The following RASGEF1A variants were observed in gnomAD, a reference collection of about 807,000 sequenced individuals.
RASGEF1A encodes the protein ras-GEF domain-containing family member 1A.
Under a neutral mutation model 56.4 loss-of-function variants are expected in RASGEF1A, and 18 were observed. The ratio of observed to expected loss-of-function variants is 0.32; its 90% CI spans 0.22 to 0.47. The LOEUF (loss-of-function observed/expected upper bound fraction) is 0.47, where lower values mean the gene tolerates loss of function less well. RASGEF1A is among the 20% of genes least tolerant of loss of function. The pLI is 1.00. For missense variants in RASGEF1A, 422 were observed against 627.1 expected (o/e 0.67, Z 3.49); for synonymous variants, 245 against 242.6 (o/e 1.01, Z -0.09).
chr10:43,238,527 GC>G (rs1223695102), intron 1 of RASGEF1A, among the ~76,000 whole-genome samples: 1 of 152,210 alleles, frequency 6.6e-6, no homozygotes, highest in Non-Finnish European at 1.5e-5. Flanking sequence ...CACTGCCCCA[GC>G]CCCATGTCCA....
Position 43,218,584 on chromosome 10 carries a change from C to A in RASGEF1A, c.-6-12462G>T, listed in dbSNP as rs578146065. Among the ~76,000 whole-genome samples, 8 of 152,350 alleles carry A rather than the reference C, an allele frequency of 5.3e-5. No individual in the cohort carries two copies. The South Asian group carries it at 1.7e-3, about 32-fold the overall frequency. On this transcript the variant is annotated intron_variant, in intron 1 of 12. Coordinates refer to ENST00000395810, the MANE Select transcript of RASGEF1A (RefSeq NM_145313.4). Reference sequence around the variant, plus strand: ...GAACTCCCTGCAGCCCCTGCCTCTCCATCCTCCAGGCCAGGCAGGCATCAG... The same window carrying A: ...GAACTCCCTGCAGCCCCTGCCTCTCAATCCTCCAGGCCAGGCAGGCATCAG...
At chr10:43,229,349 G>A (rs376147279) in intron 1 of RASGEF1A, among the ~76,000 whole-genome samples, 4 of 152,186 alleles carry the variant, frequency 2.6e-5, no homozygotes, top group South Asian at 2.1e-4. Flanking sequence ...CAAGTCGTCC[G>A]GGCTCCTACA....
intron 1 of RASGEF1A, among the ~76,000 whole-genome samples, chr10:43,249,394 C>G (rs146754633): frequency 6.6e-6 from 1 of 152,250 alleles, no homozygotes; most frequent in Non-Finnish European, 1.5e-5. Context: ...CCCCAGCTAA[C>G]CATGCTCTTC....
Position 43,196,285 on chromosome 10 carries a change from C to A in RASGEF1A, c.1422-17G>T, listed in dbSNP as rs753595689. ...AGGGTGGTCCTAGAGGGGGACAGGACAAGCAGTGCTCAGGCCCGAGCAGGG... is the reference window on the plus strand; with the variant it reads ...AGGGTGGTCCTAGAGGGGGACAGGAAAAGCAGTGCTCAGGCCCGAGCAGGG... On this transcript the variant is annotated splice_polypyrimidine_tract_variant and intron_variant, in intron 12 of 12. Transcript: ENST00000395810. This position sits in a 1 kb window ranked among gnomAD's most constrained non-coding sequence, Gnocchi z 4.6. 6.2e-7 allele frequency: 1 copy of A among 1,613,420 alleles called. No individual in the cohort carries two copies. The highest frequency in any genetic ancestry group is 1.1e-5 in the South Asian group (1 of 91,050).
intron 1 of RASGEF1A, among the ~76,000 whole-genome samples, chr10:43,240,716 C>A (rs1227915630): frequency 6.6e-6 from 1 of 152,056 alleles, no homozygotes. Context: ...AATAGAGCCA[C>A]AGACACCATA....
intron 1 of RASGEF1A, among the ~76,000 whole-genome samples, chr10:43,213,166 C>CTT (rs1840091182): frequency 6.6e-6 from 1 of 151,890 alleles, no homozygotes; most frequent in African/African-American, 2.4e-5. Context: ...TCTAATGTTC[C>CTT]ATAACAGACT....
Position 43,196,056 on chromosome 10 carries a change from A to T in RASGEF1A, c.*188T>A, listed in dbSNP as rs1839791749. ...AAAGCAGGGCCCTGCCCTGTTATTT[A>T]AAATAAACAAAAAAAACTTTGTAAG... On this transcript the variant is annotated 3_prime_UTR_variant, in exon 13 of 13. Coordinates refer to ENST00000395810, the MANE Select transcript of RASGEF1A (RefSeq NM_145313.4). The surrounding 1 kb of genome is among the most constrained non-coding windows in gnomAD (Gnocchi z 4.6). The T allele has an allele frequency of 5.7e-6, 3 of 523,376 alleles. No individual in the cohort carries two copies. Among genetic ancestry groups the T allele is most frequent in the Non-Finnish European group, 1.0e-5 (3 of 299,434 alleles). The allele number at this position is 523,376 out of a possible 1,614,324, so 32.4% of individuals were successfully genotyped here.
Position 43,198,915 on chromosome 10 carries a change from C to CG in RASGEF1A, c.1032+17dup, listed in dbSNP as rs755893760. 1 of 1,610,072 alleles carries CG rather than the reference C, an allele frequency of 6.2e-7. No individual in the cohort carries two copies. Among genetic ancestry groups the CG allele is most frequent in the Admixed American group, 1.7e-5 (1 of 59,992 alleles). On this transcript the variant is annotated intron_variant, in intron 9 of 12. Transcript: ENST00000395810. ...AAATGGGTGCAGCTCGCAGCTGTGA[C>CG]GGGGCTCAGGTGCCTACCTCCAAGA... is the stretch of plus-strand genomic sequence containing the variant.
Position 43,229,489 on chromosome 10 carries a change from G to C in RASGEF1A, c.-6-23367C>G, listed in dbSNP as rs1415528824. 8.8e-6 allele frequency: 5 copies of C among 569,286 alleles called. No homozygotes were observed. In the East Asian group the frequency reaches 1.8e-4, roughly 20 times the overall value. The allele number at this position is 569,286 out of a possible 1,614,324, so 35.3% of individuals were successfully genotyped here. A position where few individuals can be genotyped will look rare whatever the true frequency, so the allele number is the denominator to read the frequency against. On this transcript the variant is annotated intron_variant, in intron 1 of 12. Coordinates refer to ENST00000395810, the MANE Select transcript of RASGEF1A (RefSeq NM_145313.4). ...CCCACCGGGCAGTAGGTGCTCCAGC[G>C]GGGACGCACAGAGGGCGGCGCGCGG... is the stretch of plus-strand genomic sequence containing the variant.
chr10:43,203,532 C>A, intron 2 of RASGEF1A, 112 bp from the exon 3 acceptor site: 1 of 1,416,570 alleles, frequency 7.1e-7, no homozygotes, highest in African/African-American at 1.5e-5. Context: ...CCGCCGGTCC[C>A]GAGGCCATGC....
intron 2 of RASGEF1A, 123 bp from the exon 3 acceptor site, chr10:43,203,543 C>G: frequency 2.1e-6 from 3 of 1,395,914 alleles, no homozygotes; most frequent in Non-Finnish European, 2.8e-6. Context: ...GAGGCCATGC[C>G]TTCACCTGCC....
chr10:43,261,096 G>A (rs774976855), intron 1 of RASGEF1A, among the ~76,000 whole-genome samples: 33 of 151,052 alleles, frequency 2.2e-4, no homozygotes, highest in Admixed American at 3.9e-4. Flanking sequence ...ATGTGGGAGC[G>A]CCCTCCCCCT....
chr10:43,257,403 T>C (rs932620031), intron 1 of RASGEF1A, among the ~76,000 whole-genome samples: 1 of 152,190 alleles, frequency 6.6e-6, no homozygotes, highest in Non-Finnish European at 1.5e-5. Context: ...GTCCCACCCA[T>C]GCAGTGTTTG....
At chr10:43,265,102 C>T (rs1836600408) in intron 1 of RASGEF1A, among the ~76,000 whole-genome samples, 1 of 152,192 alleles carries the variant, frequency 6.6e-6, no homozygotes, top group African/African-American at 2.4e-5. Context: ...GCTCTCCCCA[C>T]CGCAGCCACT....
chr10:43,213,715 C>T (rs192769860), intron 1 of RASGEF1A, among the ~76,000 whole-genome samples: 1 of 152,316 alleles, frequency 6.6e-6, no homozygotes, highest in Non-Finnish European at 1.5e-5. Flanking sequence ...CAACCTCTGC[C>T]TCACAGGTTC....
At chr10:43,236,331 G>A (rs1277875469) in intron 1 of RASGEF1A, among the ~76,000 whole-genome samples, 1 of 152,246 alleles carries the variant, frequency 6.6e-6, no homozygotes, top group African/African-American at 2.4e-5. Flanking sequence ...GACCTTGTGT[G>A]CGCATGTATA....
rs950820014 is a variant in RASGEF1A at position 43,228,469 on chromosome 10, T to TG, written c.-6-22348dup. Among the ~76,000 whole-genome samples the TG allele has an allele frequency of 6.9e-4, 105 of 152,298 alleles. 1 individual carries two copies. The highest frequency in any genetic ancestry group is 2.5e-3 in the African/African-American group (102 of 41,574). On this transcript the variant is annotated intron_variant, in intron 1 of 12. Transcript: ENST00000395810. Reference sequence around the variant, plus strand: ...TGTCTCACAGCAGTGACTGGAGTACTGGGCTGGGGCATTTAAATGCCAGTG... The same window carrying TG: ...TGTCTCACAGCAGTGACTGGAGTACTGGGGCTGGGGCATTTAAATGCCAGTG...
Position 43,202,819 on chromosome 10 carries a change from G to A in RASGEF1A, c.321+479C>T, listed in dbSNP as rs1839924880. The A allele has an allele frequency of 1.4e-5, 6 of 424,474 alleles. 1 individual carries two copies. Among genetic ancestry groups the A allele is most frequent in the South Asian group, 1.0e-4 (6 of 58,570 alleles). 26.3% of individuals were successfully genotyped at this position (424,474 alleles called of 1,614,324 possible). A position where few individuals can be genotyped will look rare whatever the true frequency, so the allele number is the denominator to read the frequency against. ...TCCAGCCCAGACCTCACCCCAGCCT[G>A]GTGTGGCGTCACGCCCCAACTCAGA... On this transcript the variant is annotated intron_variant, in intron 3 of 12. Coordinates refer to ENST00000395810, the MANE Select transcript of RASGEF1A (RefSeq NM_145313.4).
intron 1 of RASGEF1A, among the ~76,000 whole-genome samples, chr10:43,231,775 C>G (rs1197268514): frequency 1.3e-5 from 2 of 152,248 alleles, no homozygotes; most frequent in Non-Finnish European, 1.5e-5. Context: ...GGGGCTGAGC[C>G]CTGCCAGGCG....
Sources: allele counts gnomAD v4.1 joint callset (sites outside exome capture counted in the v4.1 genomes callset), GRCh38; gene constraint gnomAD v4.1.1; non-coding constraint Gnocchi (gnomAD v3.1); transcripts MANE v1.5; gene names NCBI Gene and HGNC (gene_info 2026-07-23, HGNC 2026-07-21).